Variants in CDH22 observed in about 807,000 individuals in gnomAD.
The protein encoded by CDH22 is cadherin-22.
Under a neutral mutation model 58.4 loss-of-function variants are expected in CDH22, and 30 were observed. The ratio of observed to expected loss-of-function variants is 0.51; its 90% CI spans 0.38 to 0.70. The LOEUF (loss-of-function observed/expected upper bound fraction) is 0.70. Among genes scored for constraint, CDH22 ranks in the 30% least tolerant of loss-of-function variants. CDH22 has a pLI of 0.00. For synonymous variants in CDH22, 513 were observed against 558.2 expected (o/e 0.92, Z 1.14); for missense variants, 1,014 against 1,233.9 (o/e 0.82, Z 2.67).
In CDH22 at chr20:46,174,667, C is replaced by T; in HGVS notation, c.2326G>A (p.Glu776Lys). 1 of 1,558,922 alleles carries T rather than the reference C, an allele frequency of 6.4e-7. No homozygotes were observed. The highest frequency in any genetic ancestry group is 8.6e-7 in the Non-Finnish European group (1 of 1,159,398). Residue 776 changes from glutamate (E) to lysine (K), a missense_variant, in exon 12 of 12, where the codon GAG becomes AAG. Coordinates refer to ENST00000537909, the MANE Select transcript of CDH22 (RefSeq NM_021248.3). This position sits in a 1 kb window ranked among gnomAD's most constrained non-coding sequence, Gnocchi z 4.4. Reference protein sequence around the residue: ...PYDAFQTYAFEGADSPAASLS... With the variant: ...PYDAFQTYAFKGADSPAASLS... ...GAGGCGGCCGGCGAGTCCGCGCCCTCGAAGGCGTAGGTCTGGAAGGCGTCG... is the reference window on the plus strand; with the variant it reads ...GAGGCGGCCGGCGAGTCCGCGCCCTTGAAGGCGTAGGTCTGGAAGGCGTCG...
At chr20:46,302,636 A>T (rs544736373) in intron 1 of CDH22, among the ~76,000 whole-genome samples, 8 of 152,238 alleles carry the variant, frequency 5.3e-5, no homozygotes, top group South Asian at 4.2e-4. Context: ...CTCATCCTGG[A>T]TGGTGAGCTC....
At chr20:46,213,763 A>C (rs1364937508) in intron 5 of CDH22, among the ~76,000 whole-genome samples, 1 of 152,196 alleles carries the variant, frequency 6.6e-6, no homozygotes, top group East Asian at 1.9e-4. Flanking sequence ...CTTCATTTCA[A>C]TGTATACATT....
At chr20:46,281,110 A>G (rs1241241296) in intron 1 of CDH22, among the ~76,000 whole-genome samples, 1 of 152,180 alleles carries the variant, frequency 6.6e-6, no homozygotes, top group Non-Finnish European at 1.5e-5. Context: ...CTTGAACTCT[A>G]CCTTTAGGGC....
chr20:46,221,132 T>G (rs545217502), intron 4 of CDH22, among the ~76,000 whole-genome samples: 1 of 152,172 alleles, frequency 6.6e-6, no homozygotes, highest in Non-Finnish European at 1.5e-5. Flanking sequence ...CTGCCAGCTG[T>G]CCCAGTGAAG....
At chr20:46,235,604 C>T (rs951523432) in intron 3 of CDH22, among the ~76,000 whole-genome samples, 1 of 152,182 alleles carries the variant, frequency 6.6e-6, no homozygotes. Context: ...CCATCTCAGC[C>T]GCAGTAGCTC....
intron 1 of CDH22, among the ~76,000 whole-genome samples, chr20:46,260,539 C>T (rs967415524): frequency 1.3e-5 from 2 of 152,204 alleles, no homozygotes; most frequent in Non-Finnish European, 1.5e-5. Context: ...ACATACCTGG[C>T]AGAGCTAAGT....
rs986854581 is a variant in CDH22 at position 46,174,422 on chromosome 20, G to A, written c.*84C>T. 2.0e-6 allele frequency: 2 copies of A among 978,490 alleles called. No individual in the cohort carries two copies. The highest frequency in any genetic ancestry group is 3.7e-5 in the Admixed American group (1 of 26,764). 60.6% of individuals were successfully genotyped at this position (978,490 alleles called of 1,614,324 possible). A position where few individuals can be genotyped will look rare whatever the true frequency, so the allele number is the denominator to read the frequency against. Reference sequence around the variant, plus strand: ...AGGGTTGGGGGAGGGCAGGAAAGGGGGTCCGCGGGGGAAACGCGTTGTCCT... The same window carrying A: ...AGGGTTGGGGGAGGGCAGGAAAGGGAGTCCGCGGGGGAAACGCGTTGTCCT... On this transcript the variant is annotated 3_prime_UTR_variant, in exon 12 of 12. Coordinates refer to ENST00000537909, the MANE Select transcript of CDH22 (RefSeq NM_021248.3). The surrounding 1 kb of genome is among the most constrained non-coding windows in gnomAD (Gnocchi z 4.4).
At chr20:46,214,121 C>G (rs1044113225) in intron 5 of CDH22, among the ~76,000 whole-genome samples, 2 of 152,026 alleles carry the variant, frequency 1.3e-5, no homozygotes, top group African/African-American at 4.8e-5. Context: ...ACAGAGGGAG[C>G]AGCAGGTGCA....
intron 6 of CDH22, among the ~76,000 whole-genome samples, chr20:46,211,260 G>A (rs1221355824): frequency 1.3e-5 from 2 of 152,206 alleles, no homozygotes; most frequent in Admixed American, 6.5e-5. Flanking sequence ...AAGCCATGTC[G>A]TGGAGCTGCA....
intron 1 of CDH22, among the ~76,000 whole-genome samples, chr20:46,285,197 C>CAA (rs2086570704): frequency 6.6e-6 from 1 of 152,196 alleles, no homozygotes; most frequent in African/African-American, 2.4e-5. Flanking sequence ...AGCAGAACTG[C>CAA]CTGGTGATTG....
chr20:46,187,833 C>T (rs534474127), intron 8 of CDH22, among the ~76,000 whole-genome samples: 4 of 152,260 alleles, frequency 2.6e-5, no homozygotes, highest in South Asian at 4.1e-4. Context: ...TTGCAGAAAT[C>T]CTGTGGTTTG....
chr20:46,214,582 C>T (rs1392715047), intron 5 of CDH22, among the ~76,000 whole-genome samples: 1 of 152,272 alleles, frequency 6.6e-6, no homozygotes, highest in South Asian at 2.1e-4. Flanking sequence ...TCCTCCAATC[C>T]CCACTCCATC....
At position 46,213,098 on chromosome 20, in the gene CDH22, G is replaced by A; in HGVS notation, c.929C>T (p.Thr310Ile). Residue 310 changes from threonine (T) to isoleucine (I), a missense_variant, in exon 6 of 12, where the codon ACA (threonine) becomes ATA (isoleucine). Thr to Ile is a moderately conservative substitution (Grantham distance 89). Around this residue, in one of 2 missense-constraint regions of CDH22, gnomAD observed 806 missense variants for 1,038.7 expected, o/e 0.78. Transcript: ENST00000537909. ...GTCCTTAAGGTGGTAAGTCATGTCT[G>A]TGTTCTCTCCCACGTCTGAGTCCTC... is the stretch of plus-strand genomic sequence containing the variant. ...KAEDSDVGEN[T>I]DMTYHLKDES... is the part of the protein sequence containing the mutation. 1 of 1,614,168 alleles carries A rather than the reference G, an allele frequency of 6.2e-7. No individual in the cohort carries two copies. Among genetic ancestry groups the A allele is most frequent in the East Asian group, 2.2e-5 (1 of 44,884 alleles).
intron 3 of CDH22, 95 bp from the exon 4 acceptor site, chr20:46,227,722 C>T (rs1044452063): frequency 6.7e-7 from 1 of 1,497,120 alleles, no homozygotes; most frequent in African/African-American, 1.4e-5. Flanking sequence ...GGAGAGGAGA[C>T]CCTCGGGAGA....
intron 7 of CDH22, among the ~76,000 whole-genome samples, chr20:46,205,234 G>A (rs554006603): frequency 6.2e-4 from 94 of 152,190 alleles, no homozygotes; most frequent in Middle Eastern, 3.4e-3. Context: ...TGGGTGTGCA[G>A]ACCACCAAGA....
chr20:46,275,011 C>T (rs1435784449), intron 1 of CDH22, among the ~76,000 whole-genome samples: 4 of 152,098 alleles, frequency 2.6e-5, no homozygotes, highest in Admixed American at 2.0e-4. Flanking sequence ...TCTGCAACTG[C>T]GTGGTGGTTG....
rs113692726 is a variant in CDH22, at chr20:46,273,157, T to C, written c.-399-21464A>G. 2.6e-3 allele frequency among the ~76,000 whole-genome samples: 400 copies of C among 152,296 alleles called. 1 individual carries two copies. The highest frequency in any genetic ancestry group is 9.1e-3 in the African/African-American group (379 of 41,556). On this transcript the variant is annotated intron_variant, in intron 1 of 11. Transcript: ENST00000537909. ...TTTCCACCTTGTTCAGGCCATGAAC[T>C]TGGATTTCAATTCCCCTTATGCCGT...
chr20:46,210,975 C>T lies in CDH22; in HGVS notation c.1033-415G>A, dbSNP rs2086039287. On this transcript the variant is annotated intron_variant, in intron 6 of 11. Coordinates refer to ENST00000537909, the MANE Select transcript of CDH22 (RefSeq NM_021248.3). This position sits in a 1 kb window ranked among gnomAD's most constrained non-coding sequence, Gnocchi z 4.5. ...GATCTGATCTTACACATGAGGAAAA[C>T]GAGGCCCAGAAAGGCTCAGTAACTT... 6.6e-6 allele frequency among the ~76,000 whole-genome samples: 1 copy of T among 152,192 alleles called. No homozygotes were observed. Among genetic ancestry groups the T allele is most frequent in the Non-Finnish European group, 1.5e-5 (1 of 68,040 alleles).
intron 4 of CDH22, among the ~76,000 whole-genome samples, chr20:46,222,100 C>T (rs2086130767): frequency 6.6e-6 from 1 of 152,154 alleles, no homozygotes; most frequent in Admixed American, 6.5e-5. Context: ...ATGGAGACAC[C>T]CACCTGGTAG....
Sources: allele counts gnomAD v4.1 joint callset (sites outside exome capture counted in the v4.1 genomes callset), GRCh38; gene constraint gnomAD v4.1.1; regional missense constraint gnomAD v4.1.1; non-coding constraint Gnocchi (gnomAD v3.1); transcripts MANE v1.5; gene names NCBI Gene and HGNC (gene_info 2026-07-23, HGNC 2026-07-21).